Variants in NHLH2 observed in about 807,000 individuals in gnomAD.
NHLH2 encodes helix-loop-helix protein 2.
A neutral mutation model predicts 7.3 loss-of-function variants in NHLH2; 7 were observed. The ratio of observed to expected loss-of-function variants is 0.96; its 90% CI spans 0.55 to 1.81. The LOEUF is 1.81. Ranked by LOEUF, NHLH2 falls within the 40% of genes most tolerant of loss-of-function variation. The pLI is 0.00. For missense variants in NHLH2, 155 were observed against 194.0 expected, an observed-to-expected ratio of 0.80 and a Z score of 1.19; for synonymous variants, 93 against 91.6, an observed-to-expected ratio of 1.01 and a Z score of -0.09.
At chr1:115,839,996 T>C (rs566730522) in intron 2 of NHLH2, 1 of 167,164 alleles carries the variant, frequency 6.0e-6, no homozygotes, top group South Asian at 2.1e-4. Context: ...AGACGAGTAA[T>C]GGAAAATCAC....
Position 115,838,329 on chromosome 1 carries a change from C to G in NHLH2, c.44G>C (p.Ser15Thr). The G allele has an allele frequency of 6.2e-7, 1 of 1,609,512 alleles. No individual in the cohort carries two copies. Among genetic ancestry groups the G allele is most frequent in the Non-Finnish European group, 8.5e-7 (1 of 1,179,370 alleles). Residue 15 changes from serine (S) to threonine (T), a missense_variant, in exon 3 of 3, where the codon AGC becomes ACC. Around this residue, in one of 2 missense-constraint regions of NHLH2, gnomAD observed 91 missense variants for 86.6 expected, o/e 1.05. Coordinates refer to ENST00000320238, the MANE Select transcript of NHLH2 (RefSeq NM_005599.3). ...PDQAADSDHP[S>T]SAHSDPESLG... ...GGACTCCGGATCCGAGTGCGCCGAGCTGGGATGGTCCGAATCTGCTGCTTG... is the reference window on the plus strand; with the variant it reads ...GGACTCCGGATCCGAGTGCGCCGAGGTGGGATGGTCCGAATCTGCTGCTTG...
chr1:115,838,230 C>G lies in NHLH2; in HGVS notation c.143G>C (p.Gly48Ala). 6.4e-7 allele frequency: 1 copy of G among 1,559,106 alleles called. No individual in the cohort carries two copies. Among genetic ancestry groups the G allele is most frequent in the Non-Finnish European group, 8.7e-7 (1 of 1,154,764 alleles). The change falls in exon 3 of 3, where the codon GGC (glycine) becomes GCC (alanine). Residue 48 changes from glycine (G) to alanine (A), a missense_variant. Coordinates refer to ENST00000320238, the MANE Select transcript of NHLH2 (RefSeq NM_005599.3). ...LEPVEEAEGD[G>A]KGGSRAALYP... is the part of the protein sequence containing the mutation. Reference sequence around the variant, plus strand: ...GAGCGCGGCTCGGCTGCCGCCCTTGCCGTCGCCCTCGGCCTCCTCCACCGG... The same window carrying G: ...GAGCGCGGCTCGGCTGCCGCCCTTGGCGTCGCCCTCGGCCTCCTCCACCGG...
At position 115,837,899 on chromosome 1, in the gene NHLH2, C is replaced by T; in HGVS notation, c.*66G>A. ...GCAGCCTCCGCCACCCGAGCGACGG[C>T]GCCCGTCCGGATCCGTAGCGTTTCG... On this transcript the variant is annotated 3_prime_UTR_variant, in exon 3 of 3. Coordinates refer to ENST00000320238, the MANE Select transcript of NHLH2 (RefSeq NM_005599.3). The T allele has an allele frequency of 4.6e-6, 7 of 1,511,846 alleles. No individual in the cohort carries two copies. The Admixed American group carries it at 1.4e-4, about 29-fold the overall frequency. 93.7% of individuals were successfully genotyped at this position (1,511,846 alleles called of 1,614,324 possible).
At position 115,840,304 on chromosome 1, in the gene NHLH2, A is replaced by G. The variant is rs1466161240; in HGVS notation, c.-97T>C. 1 of 167,100 alleles carries G rather than the reference A, an allele frequency of 6.0e-6. No individual in the cohort carries two copies. 10.4% of individuals were successfully genotyped at this position (167,100 alleles called of 1,614,324 possible). On this transcript the variant is annotated 5_prime_UTR_variant, in exon 2 of 3. Transcript: ENST00000320238. ...GAGGGGAGATTCCGGAAAATATTAA[A>G]AGCAGCAAATATTTATTACATTCAA...
downstream of NHLH2, among the ~76,000 whole-genome samples, chr1:115,834,427 CA>C (rs1174275795): frequency 1.3e-5 from 2 of 152,112 alleles, no homozygotes; most frequent in Non-Finnish European, 2.9e-5. Context: ...AGACCAAGCT[CA>C]GGGTAAAGGA....
At chr1:115,832,783 A>C (rs1224119643), downstream of NHLH2, among the ~76,000 whole-genome samples, 3 of 152,198 alleles carry the variant, frequency 2.0e-5, no homozygotes, top group Admixed American at 1.3e-4. Context: ...AAGAAACGGA[A>C]AGCTTTGTAA....
At chr1:115,833,457 G>A (rs1465714744), downstream of NHLH2, among the ~76,000 whole-genome samples, 1 of 151,936 alleles carries the variant, frequency 6.6e-6, no homozygotes, top group East Asian at 1.9e-4. Context: ...GCACATGGAT[G>A]GAAAGATGCA....
In NHLH2 at chr1:115,838,118, G is replaced by C; in HGVS notation, c.255C>G (p.Arg85=). 6.2e-7 allele frequency: 1 copy of C among 1,604,778 alleles called. No individual in the cohort carries two copies. Among genetic ancestry groups the C allele is most frequent in the Non-Finnish European group, 8.5e-7 (1 of 1,176,592 alleles). Residue 85 remains arginine, a synonymous_variant, in exon 3 of 3, where the codon CGC becomes CGG. Coordinates refer to ENST00000320238, the MANE Select transcript of NHLH2 (RefSeq NM_005599.3). ...TGAAGGCTTCCACGCGGATGCGCTC[G>C]CGGGTGGCGTGGGCCGAGCGGTACT... The part of the protein sequence containing the change: ...TAKYRSAHAT[R]ERIRVEAFNL...
At chr1:115,831,551 T>G (rs1450987833), downstream of NHLH2, among the ~76,000 whole-genome samples, 4 of 152,150 alleles carry the variant, frequency 2.6e-5, no homozygotes, top group African/African-American at 9.7e-5. Context: ...TGTGAGCACT[T>G]GCATATTTGA....
downstream of NHLH2, among the ~76,000 whole-genome samples, chr1:115,833,990 C>A (rs1429849657): frequency 2.0e-5 from 3 of 152,166 alleles, no homozygotes; most frequent in African/African-American, 7.2e-5. Context: ...GTTCATGGGG[C>A]AGGGCCACTG....
downstream of NHLH2, among the ~76,000 whole-genome samples, chr1:115,831,629 C>G (rs1014719104): frequency 1.3e-5 from 2 of 152,122 alleles, no homozygotes; most frequent in Admixed American, 6.5e-5. Flanking sequence ...AAAATGTACC[C>G]CTTGTCTGGC....
downstream of NHLH2, among the ~76,000 whole-genome samples, chr1:115,833,048 C>G (rs1427388848): frequency 6.6e-6 from 1 of 152,060 alleles, no homozygotes; most frequent in Non-Finnish European, 1.5e-5. Flanking sequence ...CATTTCTATG[C>G]CTAGATTGGG....
rs1650913092 is a variant in NHLH2, at chr1:115,837,574, C to T, written c.*391G>A. On this transcript the variant is annotated 3_prime_UTR_variant, in exon 3 of 3. Coordinates refer to ENST00000320238, the MANE Select transcript of NHLH2 (RefSeq NM_005599.3). ...GCCTAAAGTTATGAGCCTGCATACT[C>T]TGAACTTCTGCCCTCATTCTTTCAA... 4.5e-6 allele frequency: 1 copy of T among 223,254 alleles called. No individual in the cohort carries two copies. Among genetic ancestry groups the T allele is most frequent in the Admixed American group, 6.0e-5 (1 of 16,564 alleles). 13.8% of individuals were successfully genotyped at this position (223,254 alleles called of 1,614,324 possible).
At chr1:115,832,633 A>G (rs79674913), downstream of NHLH2, among the ~76,000 whole-genome samples, 2,726 of 152,320 alleles carry the variant, frequency 0.018, 35 homozygotes, top group Non-Finnish European at 0.027. Context: ...AATGTCATAC[A>G]CTTAGAATAA....
chr1:115,839,683 C>G (rs1414207418), intron 2 of NHLH2: 1 of 166,798 alleles, frequency 6.0e-6, no homozygotes, highest in Non-Finnish European at 1.5e-5. Flanking sequence ...GGGGCCCCGG[C>G]GTGGGCAGCC....
In NHLH2 at chr1:115,837,969, A is replaced by G. The variant is rs768555900; in HGVS notation, c.404T>C (p.Val135Ala). Residue 135 changes from valine (V) to alanine (A), a missense_variant, in exon 3 of 3, where the codon GTG becomes GCG. By Grantham distance (64) the Val-to-Ala change is moderately conservative (BLOSUM62 0). Transcript: ENST00000320238. Reference protein sequence around the residue: ...YISYLNHVLDV With the variant: ...YISYLNHVLDA ...CCCCCCGCGGCGCACCCCGCCCTAC[A>G]CGTCCAGGACGTGGTTGAGATAGGA... 6.3e-7 allele frequency: 1 copy of G among 1,597,472 alleles called. No homozygotes were observed. Among genetic ancestry groups the G allele is most frequent in the Non-Finnish European group, 8.5e-7 (1 of 1,173,668 alleles).
chr1:115,835,883 T>A (rs755999258), downstream of NHLH2, among the ~76,000 whole-genome samples: 1 of 152,134 alleles, frequency 6.6e-6, no homozygotes, highest in Non-Finnish European at 1.5e-5. Context: ...CTGTCTTGAA[T>A]CTGTGTACTG....
chr1:115,839,326 G>A (rs914834882), intron 2 of NHLH2: 4 of 166,306 alleles, frequency 2.4e-5, no homozygotes, highest in African/African-American at 9.6e-5. Context: ...AGCGCGTGTT[G>A]TCCCGGCGGG....
downstream of NHLH2, among the ~76,000 whole-genome samples, chr1:115,836,001 G>GTGATAAA (rs1038742856): frequency 1.3e-5 from 2 of 152,126 alleles, no homozygotes; most frequent in African/African-American, 4.8e-5. Flanking sequence ...CCATTAAATA[G>GTGATAAA]CTATGTGTTT....
Sources: allele counts gnomAD v4.1 joint callset (sites outside exome capture counted in the v4.1 genomes callset), GRCh38; gene constraint gnomAD v4.1.1; regional missense constraint gnomAD v4.1.1; transcripts MANE v1.5; gene names NCBI Gene and HGNC (gene_info 2026-07-23, HGNC 2026-07-21).